Variants in RASGRP3 observed in about 807,000 individuals in gnomAD.
RASGRP3 encodes ras guanyl-releasing protein 3.
Under a neutral mutation model 82.7 loss-of-function variants are expected in RASGRP3, and 54 were observed. That is an observed-to-expected ratio of 0.65 (90% CI 0.52 to 0.82). The LOEUF is 0.82. Among genes scored for constraint, RASGRP3 ranks in the 40% least tolerant of loss-of-function variants. The pLI is 0.00. For synonymous variants in RASGRP3, 309 were observed against 300.5 expected, an observed-to-expected ratio of 1.03 and a Z score of -0.29; for missense variants, 861 against 828.9, an observed-to-expected ratio of 1.04 and a Z score of -0.48.
intron 2 of RASGRP3, among the ~76,000 whole-genome samples, chr2:33,467,979 T>C (rs1172657262): frequency 9.2e-6 from 1 of 109,150 alleles, no homozygotes; most frequent in South Asian, 4.0e-4. Context: ...ATGGTGAGGC[T>C]TTTTCTTTCT....
intron 10 of RASGRP3, among the ~76,000 whole-genome samples, chr2:33,528,781 A>G (rs1306691370): frequency 6.6e-6 from 1 of 152,214 alleles, no homozygotes; most frequent in Non-Finnish European, 1.5e-5. Flanking sequence ...ACACACAGAA[A>G]CACAGATCTC....
chr2:33,524,948 G>A (rs1044424998), intron 9 of RASGRP3, among the ~76,000 whole-genome samples: 1 of 151,982 alleles, frequency 6.6e-6, no homozygotes, highest in Admixed American at 6.6e-5. Flanking sequence ...GGGTGTGGTG[G>A]CAGGCACCTG....
chr2:33,547,342 C>CTTT lies in RASGRP3; in HGVS notation c.1395-2235_1395-2233dup, dbSNP rs59601670. On this transcript the variant is annotated intron_variant, in intron 13 of 17. Transcript: ENST00000403687. ...CCCGCAAGCTTGAGAATATAGAATC[C>CTTT]TTTTTTTTTTTTTTTTTTTTTTTTT... Among the ~76,000 whole-genome samples, 90 of 68,202 alleles carry CTTT rather than the reference C, an allele frequency of 1.3e-3. 6 individuals carry two copies. The highest frequency in any genetic ancestry group is 2.0e-3 in the African/African-American group (35 of 17,326). The allele number at this position is 68,202 out of a possible 152,430, so 44.7% of individuals were successfully genotyped here.
intron 4 of RASGRP3, among the ~76,000 whole-genome samples, chr2:33,518,699 C>T (rs1249384933): frequency 6.6e-6 from 1 of 151,700 alleles, no homozygotes; most frequent in Non-Finnish European, 1.5e-5. Flanking sequence ...TACAAACTTA[C>T]TCTATTTAAA....
At chr2:33,455,683 A>C (rs1666000970) in intron 2 of RASGRP3, among the ~76,000 whole-genome samples, 1 of 152,268 alleles carries the variant, frequency 6.6e-6, no homozygotes, top group Non-Finnish European at 1.5e-5. Flanking sequence ...AGGACTTTCC[A>C]TCTGTTTTCC....
intron 10 of RASGRP3, chr2:33,530,969 A>G (rs1673062503): frequency 1.3e-5 from 2 of 152,248 alleles, no homozygotes; most frequent in South Asian, 4.1e-4. Flanking sequence ...GAATCTTTTC[A>G]TGGTATTTTT....
In RASGRP3 at chr2:33,536,038, C is replaced by T. The variant is rs145147238; in HGVS notation, c.1161+1638C>T. 1.8e-3 allele frequency among the ~76,000 whole-genome samples: 275 copies of T among 152,186 alleles called. 1 individual carries two copies. The highest frequency in any genetic ancestry group is 5.0e-3 in the African/African-American group (208 of 41,524). ...TAGGTCTGGGCCAGGCACAGTGGCTCACACCTGTAATCCCAGCACTTTGGG... is the reference window on the plus strand; with the variant it reads ...TAGGTCTGGGCCAGGCACAGTGGCTTACACCTGTAATCCCAGCACTTTGGG... On this transcript the variant is annotated intron_variant, in intron 11 of 17. Transcript: ENST00000403687.
chr2:33,489,560 G>A (rs571272055), intron 1 of RASGRP3, among the ~76,000 whole-genome samples: 4 of 152,202 alleles, frequency 2.6e-5, no homozygotes, highest in African/African-American at 9.6e-5. Context: ...TCTTTTGTGG[G>A]TTTTATTTTT....
intron 4 of RASGRP3, among the ~76,000 whole-genome samples, chr2:33,519,735 T>G (rs147426870): frequency 6.4e-4 from 97 of 152,304 alleles, no homozygotes; most frequent in African/African-American, 1.2e-3. Context: ...GTAAGTGGCT[T>G]CTTCTTCAGA....
At chr2:33,516,147 C>T (rs182406225) in intron 3 of RASGRP3, among the ~76,000 whole-genome samples, 116 of 152,300 alleles carry the variant, frequency 7.6e-4, no homozygotes, top group African/African-American at 2.7e-3. Flanking sequence ...CAGTGGCTCA[C>T]GCCTGTAATC....
intron 1 of RASGRP3, among the ~76,000 whole-genome samples, chr2:33,496,123 C>T (rs1024369172): frequency 2.6e-5 from 4 of 152,180 alleles, no homozygotes; most frequent in African/African-American, 9.7e-5. Flanking sequence ...CTGTTTATAA[C>T]CTGTAGTTGC....
chr2:33,470,036 C>T (rs553218815), intron 2 of RASGRP3, among the ~76,000 whole-genome samples: 1 of 152,172 alleles, frequency 6.6e-6, no homozygotes, highest in South Asian at 2.1e-4. Context: ...TTATTTTTAG[C>T]CTATTTAGTA....
rs1670951111 is a variant in RASGRP3 at position 33,511,785 on chromosome 2, T to A, written c.-185T>A. 1 of 152,662 alleles carries A rather than the reference T, an allele frequency of 6.6e-6. No homozygotes were observed. The highest frequency in any genetic ancestry group is 6.5e-5 in the Admixed American group (1 of 15,292). 9.5% of individuals were successfully genotyped at this position (152,662 alleles called of 1,614,324 possible). A position where few individuals can be genotyped will look rare whatever the true frequency, so the allele number is the denominator to read the frequency against. ...GCTTCTTCCATGCATTTCCCAATGA[T>A]GCTAGCTGCCCTTAAAATTCTTTCA... On this transcript the variant is annotated 5_prime_UTR_variant, in exon 2 of 18. An upstream start codon of the reference 5' UTR is lost. Coordinates refer to ENST00000403687, the MANE Select transcript of RASGRP3 (RefSeq NM_001139488.2).
chr2:33,547,916 T>C (rs1261056368), intron 13 of RASGRP3, among the ~76,000 whole-genome samples: 1 of 151,972 alleles, frequency 6.6e-6, no homozygotes, highest in Non-Finnish European at 1.5e-5. Context: ...GAAACATGTC[T>C]CCGTGTTACC....
intron 12 of RASGRP3, chr2:33,539,523 A>C: frequency 5.8e-6 from 1 of 171,374 alleles, no homozygotes; most frequent in Admixed American, 8.0e-5. Context: ...CTCATGAAAA[A>C]CCCACATAGG....
chr2:33,494,897 A>G (rs1031581726), intron 1 of RASGRP3, among the ~76,000 whole-genome samples: 1 of 152,260 alleles, frequency 6.6e-6, no homozygotes, highest in African/African-American at 2.4e-5. Flanking sequence ...GGAAATAAAT[A>G]CTAATGTCTT....
intron 12 of RASGRP3, among the ~76,000 whole-genome samples, chr2:33,541,741 G>T (rs11691097): frequency 0.38 from 56,084 of 146,118 alleles, 15,916 homozygotes; most frequent in Middle Eastern, 0.57. Flanking sequence ...AACTTGCTCT[G>T]TTTGACATTT....
At chr2:33,511,067 T>C (rs2151000729) in intron 1 of RASGRP3, among the ~76,000 whole-genome samples, 1 of 152,324 alleles carries the variant, frequency 6.6e-6, no homozygotes, top group East Asian at 1.9e-4. Context: ...CAAAACTCTA[T>C]TGCCCTTTAA....
intron 1 of RASGRP3, chr2:33,482,208 G>C (rs1401277061): frequency 6.6e-6 from 1 of 151,886 alleles, no homozygotes; most frequent in Non-Finnish European, 1.5e-5. Context: ...TAGAGACAGG[G>C]TTTCACTGTG....
Sources: gnomAD v4.1 joint callset for allele counts (sites outside exome capture counted in the v4.1 genomes callset) on GRCh38, gnomAD v4.1.1 for gene constraint, MANE v1.5 for transcripts, NCBI Gene and HGNC (gene_info 2026-07-23, HGNC 2026-07-21) for gene names.